NNMT: variants seen among roughly 807,000 people sequenced by gnomAD.
NNMT encodes the protein nicotinamide N-methyltransferase.
In NNMT, 10 loss-of-function variants were observed where a neutral mutation model predicts 11.7. The observed-to-expected ratio is 0.85, with a 90% CI of 0.53 to 1.45. The LOEUF (loss-of-function observed/expected upper bound fraction) is 1.45. Ranked by LOEUF, NNMT falls within the 40% of genes most tolerant of loss-of-function variation. The pLI is 0.00. For synonymous variants in NNMT, 143 were observed against 133.8 expected (o/e 1.07, Z -0.48); for missense variants, 381 against 319.4 (o/e 1.19, Z -1.47).
At chr11:114,304,512 A>G (rs1945471102) in intron 2 of NNMT, among the ~76,000 whole-genome samples, 1 of 152,188 alleles carries the variant, frequency 6.6e-6, no homozygotes. Flanking sequence ...TAAGAATGAT[A>G]ATGATCCTAT....
upstream of NNMT, among the ~76,000 whole-genome samples, chr11:114,293,088 C>A (rs773825231): frequency 1.4e-4 from 21 of 152,148 alleles, no homozygotes; most frequent in Non-Finnish European, 2.5e-4. Flanking sequence ...ACCAGGATAA[C>A]AACTTACATC....
chr11:114,306,789 C>T (rs1296644119), intron 2 of NNMT, among the ~76,000 whole-genome samples: 2 of 151,758 alleles, frequency 1.3e-5, no homozygotes, highest in Non-Finnish European at 2.9e-5. Flanking sequence ...GTGTGCTCCT[C>T]TTAACCTCAG....
chr11:114,310,403 G>A (rs1315242732), intron 2 of NNMT, among the ~76,000 whole-genome samples: 1 of 152,176 alleles, frequency 6.6e-6, no homozygotes, highest in Non-Finnish European at 1.5e-5. Context: ...TCCTTAAATG[G>A]AAAATTATAG....
In NNMT at chr11:114,296,779, G is replaced by C. The variant is rs1417341331; in HGVS notation, c.154+69G>C. On this transcript the variant is annotated intron_variant, in intron 1 of 2. Coordinates refer to ENST00000299964, the MANE Select transcript of NNMT (RefSeq NM_006169.3). Reference sequence around the variant, plus strand: ...TAGATGGAGTCTCAGGGCACGACTGGGTTTTGTGTCTCTCGTTGTTGCTTC... The same window carrying C: ...TAGATGGAGTCTCAGGGCACGACTGCGTTTTGTGTCTCTCGTTGTTGCTTC... 4.7e-6 allele frequency: 7 copies of C among 1,500,218 alleles called. No homozygotes were observed. The African/African-American group carries it at 8.3e-5, about 18-fold the overall frequency. The allele number at this position is 1,500,218 out of a possible 1,614,324, so 92.9% of individuals were successfully genotyped here.
At chr11:114,274,219 T>C (rs1385527823) in intron 2 of NNMT, among the ~76,000 whole-genome samples, 1 of 152,226 alleles carries the variant, frequency 6.6e-6, no homozygotes, top group African/African-American at 2.4e-5. Flanking sequence ...TAGAACCTTT[T>C]GGGAAAGGTG....
At chr11:114,281,860 C>A (rs1236288300) in intron 2 of NNMT, among the ~76,000 whole-genome samples, 2 of 152,136 alleles carry the variant, frequency 1.3e-5, no homozygotes, top group African/African-American at 2.4e-5. Flanking sequence ...AGCTTTCTGG[C>A]AGGCCTTTTT....
chr11:114,298,306 A>G (rs751814728), intron 2 of NNMT, 148 bp downstream of exon 2: 223 of 645,552 alleles, frequency 3.5e-4, no homozygotes, highest in Admixed American at 7.7e-4. Context: ...AGATAGGCCC[A>G]TGTGTGTGCA....
chr11:114,259,404 C>T (rs1945057440), intron 1 of NNMT, among the ~76,000 whole-genome samples: 1 of 151,922 alleles, frequency 6.6e-6, no homozygotes, highest in Admixed American at 6.5e-5. Flanking sequence ...TCATAGACCA[C>T]CTGACCCGTG....
chr11:114,273,270 C>T (rs1591827476), intron 2 of NNMT, among the ~76,000 whole-genome samples: 3 of 152,170 alleles, frequency 2.0e-5, no homozygotes, highest in Non-Finnish European at 2.9e-5. Context: ...AGGCAGATGG[C>T]GAGAGGCGCT....
rs539688324 is a variant in NNMT at position 114,277,329 on chromosome 11, C to T, written c.-130+14395C>T. Among the ~76,000 whole-genome samples, 29 of 152,302 alleles carry T rather than the reference C, an allele frequency of 1.9e-4. No homozygotes were observed. The East Asian group carries it at 5.4e-3, about 28-fold the overall frequency. ...AGACCCCAAAGATATAATAGGAATG[C>T]ACTTAGTAAATAATTATGTGTGTGA... On this transcript the variant is annotated intron_variant, in intron 2 of 4. Coordinates refer to the NNMT transcript ENST00000535401.
chr11:114,276,141 C>A (rs923607076), intron 2 of NNMT, among the ~76,000 whole-genome samples: 1 of 142,212 alleles, frequency 7.0e-6, no homozygotes, highest in African/African-American at 2.7e-5. Flanking sequence ...TGCCAAGGCA[C>A]CTTGTGCCAA....
chr11:114,299,746 C>T lies in NNMT; in HGVS notation c.362+1588C>T, dbSNP rs530224541. Among the ~76,000 whole-genome samples the T allele has an allele frequency of 5.1e-4, 76 of 150,174 alleles. No homozygotes were observed. In the South Asian group the frequency reaches 0.015, roughly 30 times the overall value. ...CTTTTGTCTGTTTTGGTAAGTGGTACTTTTCAAGAAGTTTGTCCTTTTTAT... is the reference window on the plus strand; with the variant it reads ...CTTTTGTCTGTTTTGGTAAGTGGTATTTTTCAAGAAGTTTGTCCTTTTTAT... On this transcript the variant is annotated intron_variant, in intron 2 of 2. Transcript: ENST00000299964.
intron 2 of NNMT, among the ~76,000 whole-genome samples, chr11:114,284,708 C>T (rs1367268018): frequency 4.0e-5 from 6 of 151,024 alleles, no homozygotes; most frequent in African/African-American, 1.2e-4. Context: ...GTGATATGCC[C>T]ACCTTGGCCT....
At chr11:114,285,066 T>C (rs925775862) in intron 2 of NNMT, among the ~76,000 whole-genome samples, 18 of 152,004 alleles carry the variant, frequency 1.2e-4, no homozygotes, top group Non-Finnish European at 1.5e-5. Flanking sequence ...CCCCAACATG[T>C]CTTTTCTCCC....
At chr11:114,293,157 G>C (rs759200973), upstream of NNMT, among the ~76,000 whole-genome samples, 1 of 152,206 alleles carries the variant, frequency 6.6e-6, no homozygotes, top group African/African-American at 2.4e-5. Flanking sequence ...AGCAGAAGCA[G>C]GGAGTGTCTG....
intron 2 of NNMT, among the ~76,000 whole-genome samples, chr11:114,271,586 A>G (rs1945170619): frequency 6.6e-6 from 1 of 152,140 alleles, no homozygotes. Context: ...TTTTAGCCTC[A>G]AGCCAAGCAT....
chr11:114,266,528 G>T (rs1945120758), intron 2 of NNMT, among the ~76,000 whole-genome samples: 4 of 150,754 alleles, frequency 2.7e-5, no homozygotes, highest in South Asian at 4.2e-4. Flanking sequence ...AGAGCTCCTT[G>T]CCCACCCCCA....
intron 2 of NNMT, among the ~76,000 whole-genome samples, chr11:114,278,246 G>T (rs1429491123): frequency 6.6e-6 from 1 of 152,066 alleles, no homozygotes; most frequent in East Asian, 1.9e-4. Context: ...AAGAGAGAGA[G>T]GAGGAGATGC....
Position 114,312,276 on chromosome 11 carries a change from G to C in NNMT, c.594G>C (p.Ala198=), listed in dbSNP as rs770806445. The change falls in exon 3 of 3, where the codon GCG becomes GCC. Residue 198 remains alanine, a synonymous_variant. Transcript: ENST00000299964. ...KPGGFLVIMD[A]LKSSYYMIGE... Reference sequence around the variant, plus strand: ...GGGGCTTCCTGGTGATCATGGATGCGCTCAAGAGCAGCTACTACATGATTG... The same window carrying C: ...GGGGCTTCCTGGTGATCATGGATGCCCTCAAGAGCAGCTACTACATGATTG... The C allele has an allele frequency of 6.2e-7, 1 of 1,614,222 alleles. No homozygotes were observed. The highest frequency in any genetic ancestry group is 8.5e-7 in the Non-Finnish European group (1 of 1,180,038).
Sources: allele counts gnomAD v4.1 joint callset (sites outside exome capture counted in the v4.1 genomes callset), GRCh38; gene constraint gnomAD v4.1.1; transcripts MANE v1.5; gene names NCBI Gene and HGNC (gene_info 2026-07-23, HGNC 2026-07-21).